Variants in SLC15A5 observed in about 807,000 individuals in gnomAD.
SLC15A5 encodes the protein Peptide/histidine transporter ENSP00000340402.
Under a neutral mutation model 56.1 loss-of-function variants are expected in SLC15A5, and 58 were observed. The ratio of observed to expected loss-of-function variants is 1.03; its 90% CI spans 0.84 to 1.29. The LOEUF (loss-of-function observed/expected upper bound fraction) is 1.29. Ranked by LOEUF, SLC15A5 falls within the 50% of genes most tolerant of loss-of-function variation. The probability of loss-of-function intolerance (pLI) is 0.00; values close to 1 mark genes in which losing one functional copy is unlikely to be tolerated. For missense variants in SLC15A5, 681 were observed against 672.1 expected, an observed-to-expected ratio of 1.01 and a Z score of -0.15; for synonymous variants, 264 against 250.5, an observed-to-expected ratio of 1.05 and a Z score of -0.51.
chr12:16,206,427 C>T (rs1000296204), intron 7 of SLC15A5, among the ~76,000 whole-genome samples: 8 of 152,168 alleles, frequency 5.3e-5, no homozygotes, highest in Non-Finnish European at 2.9e-5. Context: ...TCATAGCTCT[C>T]CTACCTGAGT....
In SLC15A5 at chr12:16,269,135, A is replaced by C. The variant is rs905900372; in HGVS notation, c.584+3426T>G. 1.3e-5 allele frequency among the ~76,000 whole-genome samples: 2 copies of C among 152,152 alleles called. No individual in the cohort carries two copies. The highest frequency in any genetic ancestry group is 2.9e-5 in the Non-Finnish European group (2 of 68,018). On this transcript the variant is annotated intron_variant, in intron 2 of 8. Coordinates refer to ENST00000344941, the MANE Select transcript of SLC15A5 (RefSeq NM_001170798.1). The surrounding 1 kb of genome is among the most constrained non-coding windows in gnomAD (Gnocchi z 4.7). The stretch of plus-strand genomic sequence containing the variant: ...GAGCTGTGAAAAATAAATTTCTACT[A>C]TTTATAAGCCAGCCAATCTCTGCTG...
At chr12:16,225,087 A>G (rs1008679738) in intron 5 of SLC15A5, among the ~76,000 whole-genome samples, 3 of 152,130 alleles carry the variant, frequency 2.0e-5, no homozygotes, top group Admixed American at 2.0e-4. Flanking sequence ...ATAGTATTCC[A>G]TGGTGTATAT....
In SLC15A5 at chr12:16,257,862, C is replaced by G. The variant is rs1332486572; in HGVS notation, c.593G>C (p.Trp198Ser). ...AATAGTTGCATTTAGGTTCATGAGC[C>G]AATAAAACCTGGGGTATACAGACAG... is the stretch of plus-strand genomic sequence containing the variant. ...KTMSFFNWFY[W>S]LMNLNATIVF... Residue 198 changes from tryptophan to serine, a missense_variant, in exon 3 of 9, where the codon TGG becomes TCG. Transcript: ENST00000344941. 2 of 1,488,328 alleles carry G rather than the reference C, an allele frequency of 1.3e-6. No individual in the cohort carries two copies. Among genetic ancestry groups the G allele is most frequent in the South Asian group, 2.7e-5 (2 of 74,192 alleles). 92.2% of individuals were successfully genotyped at this position (1,488,328 alleles called of 1,614,324 possible).
At chr12:16,257,224 A>G (rs1216878909) in intron 3 of SLC15A5, among the ~76,000 whole-genome samples, 1 of 152,136 alleles carries the variant, frequency 6.6e-6, no homozygotes, top group Admixed American at 6.5e-5. Flanking sequence ...AATATATTAC[A>G]TATAAATAAA....
In SLC15A5 at chr12:16,277,527, C is replaced by G. The variant is rs185406145; in HGVS notation, c.159G>C (p.Glu53Asp). The change falls in exon 1 of 9, where the codon GAG (glutamate) becomes GAC (aspartate). Residue 53 changes from glutamate to aspartate, a missense_variant. Coordinates refer to ENST00000344941, the MANE Select transcript of SLC15A5 (RefSeq NM_001170798.1). ...GICLLLVELC[E>D]RFTFFEVVCN... ...AGACGACTTCAAAGAACGTGAACCT[C>G]TCACACAGCTCCACCAGAAGCAAGC... 2.0e-6 allele frequency: 3 copies of G among 1,536,462 alleles called. No individual in the cohort carries two copies. The highest frequency in any genetic ancestry group is 1.7e-4 in the Middle Eastern group (1 of 5,984).
chr12:16,236,213 C>G (rs1450029521), intron 5 of SLC15A5, among the ~76,000 whole-genome samples: 2 of 151,964 alleles, frequency 1.3e-5, no homozygotes, highest in African/African-American at 2.4e-5. Context: ...AAAGGAAATA[C>G]TCATAGTGTA....
intron 5 of SLC15A5, among the ~76,000 whole-genome samples, chr12:16,239,329 C>G (rs534072023): frequency 6.6e-6 from 1 of 152,258 alleles, no homozygotes; most frequent in South Asian, 2.1e-4. Context: ...TTAAAATGAT[C>G]TTTTGGAATT....
chr12:16,272,372 AG>A (rs1277871409), intron 2 of SLC15A5, among the ~76,000 whole-genome samples, 188 bp downstream of exon 2: 1 of 152,082 alleles, frequency 6.6e-6, no homozygotes, highest in Non-Finnish European at 1.5e-5. Context: ...GGTGCTGGTG[AG>A]TTGTACTGGT....
chr12:16,217,339 G>A (rs954599486), intron 6 of SLC15A5, among the ~76,000 whole-genome samples: 1 of 152,090 alleles, frequency 6.6e-6, no homozygotes, highest in African/African-American at 2.4e-5. Flanking sequence ...TTGGATAGAG[G>A]TGTGGCCTCT....
Position 16,244,792 on chromosome 12 carries a change from G to A in SLC15A5, c.763C>T (p.Leu255Phe), listed in dbSNP as rs865836520. 4.6e-6 allele frequency: 7 copies of A among 1,537,752 alleles called. No homozygotes were observed. Among genetic ancestry groups the A allele is most frequent in the South Asian group, 1.2e-5 (1 of 84,052 alleles). The change falls in exon 4 of 9, where the codon CTC (leucine) becomes TTC (phenylalanine). Residue 255 changes from leucine (L) to phenylalanine (F), a missense_variant. Leu to Phe is a conservative substitution (Grantham distance 22). Transcript: ENST00000344941. ...LIYQSEKRCSLLTGVGVLVSA... is the reference protein window; with the variant it reads ...LIYQSEKRCSFLTGVGVLVSA... ...ACCAACACCCCAACGCCTGTCAGGA[G>A]AGAACAACCTGCAAGTAATCGGAGA...
rs57199825 is a variant in SLC15A5 at position 16,189,398 on chromosome 12, T to C, written c.*270A>G. 50,441 of 223,346 alleles carry C rather than the reference T, an allele frequency of 0.23. 6,107 individuals carry two copies. The highest frequency in any genetic ancestry group is 0.29 in the Middle Eastern group (204 of 704). The allele number at this position is 223,346 out of a possible 1,614,324, so 13.8% of individuals were successfully genotyped here. On this transcript the variant is annotated 3_prime_UTR_variant, in exon 9 of 9. Transcript: ENST00000344941. ...GTAGAAAGCTGTAAGGTATTATTGGTGTATAGAAAACTGTCATTTTTTTTG... is the reference window on the plus strand; with the variant it reads ...GTAGAAAGCTGTAAGGTATTATTGGCGTATAGAAAACTGTCATTTTTTTTG...
chr12:16,228,393 G>T (rs1194128993), intron 5 of SLC15A5, among the ~76,000 whole-genome samples: 2 of 152,106 alleles, frequency 1.3e-5, no homozygotes, highest in African/African-American at 2.4e-5. Flanking sequence ...TGTAAGAAAA[G>T]GTTTCAAGGA....
Position 16,203,006 on chromosome 12 carries a change from G to A in SLC15A5, c.1484-8553C>T, listed in dbSNP as rs117991726. On this transcript the variant is annotated intron_variant, in intron 7 of 8. Coordinates refer to ENST00000344941, the MANE Select transcript of SLC15A5 (RefSeq NM_001170798.1). ...GGGGAAGGGGAAATATTGGCCAACAGGTACAAAGTTTGAGTTAGACAGGAG... is the reference window on the plus strand; with the variant it reads ...GGGGAAGGGGAAATATTGGCCAACAAGTACAAAGTTTGAGTTAGACAGGAG... Among the ~76,000 whole-genome samples the A allele has an allele frequency of 6.1e-3, 927 of 152,172 alleles. 7 individuals carry two copies. The highest frequency in any genetic ancestry group is 0.014 in the Middle Eastern group (4 of 294).
chr12:16,228,475 C>T (rs1337788011), intron 5 of SLC15A5, among the ~76,000 whole-genome samples: 1 of 152,246 alleles, frequency 6.6e-6, no homozygotes, highest in African/African-American at 2.4e-5. Context: ...ATCTCTTCCA[C>T]ATCTGTGGTC....
chr12:16,274,257 T>C (rs1292205915), intron 1 of SLC15A5, among the ~76,000 whole-genome samples: 1 of 152,042 alleles, frequency 6.6e-6, no homozygotes, highest in Non-Finnish European at 1.5e-5. Context: ...AAATGTTCTT[T>C]AACAATGCAA....
chr12:16,189,837 C>A (rs1863823475), intron 8 of SLC15A5, 22 bp from the exon 9 acceptor site: 1 of 1,445,358 alleles, frequency 6.9e-7, no homozygotes, highest in Non-Finnish European at 9.1e-7. Flanking sequence ...AGAAAGAAAG[C>A]TTTTCTTAGG....
chr12:16,263,700 G>A (rs113234482), intron 2 of SLC15A5, among the ~76,000 whole-genome samples: 4,238 of 152,228 alleles, frequency 0.028, 201 homozygotes, highest in African/African-American at 0.095. Flanking sequence ...TGTGCTGTGT[G>A]TAGTCTAGGG....
intron 3 of SLC15A5, among the ~76,000 whole-genome samples, chr12:16,247,508 G>T (rs1341632392): frequency 6.6e-6 from 1 of 152,096 alleles, no homozygotes; most frequent in Non-Finnish European, 1.5e-5. Context: ...GAAAATATTA[G>T]GCAAGTTCTA....
At chr12:16,218,031 G>A (rs890095317) in intron 6 of SLC15A5, among the ~76,000 whole-genome samples, 1 of 152,078 alleles carries the variant, frequency 6.6e-6, no homozygotes, top group Non-Finnish European at 1.5e-5. Flanking sequence ...CAATCTTAGC[G>A]ATATGTGTTA....
Sources: allele counts gnomAD v4.1 joint callset (sites outside exome capture counted in the v4.1 genomes callset), GRCh38; gene constraint gnomAD v4.1.1; non-coding constraint Gnocchi (gnomAD v3.1); transcripts MANE v1.5; gene names NCBI Gene and HGNC (gene_info 2026-07-23, HGNC 2026-07-21).